Variants in NEURL1 observed in about 807,000 individuals in gnomAD.
The protein encoded by NEURL1 is E3 ubiquitin-protein ligase NEURL1.
In NEURL1, 26 loss-of-function variants were observed where a neutral mutation model predicts 41.2. That is an observed-to-expected ratio of 0.63 (90% confidence interval 0.46 to 0.87). The LOEUF is 0.87. Among genes scored for constraint, NEURL1 ranks in the 40% least tolerant of loss-of-function variants. The probability of loss-of-function intolerance (pLI) is 0.00; values close to 1 mark genes in which losing one functional copy is unlikely to be tolerated. For synonymous variants in NEURL1, 400 were observed against 402.3 expected (o/e 0.99, Z 0.07); for missense variants, 761 against 871.1 (o/e 0.87, Z 1.59).
intron 1 of NEURL1, among the ~76,000 whole-genome samples, chr10:103,561,587 G>A (rs374622882): frequency 2.6e-5 from 4 of 152,094 alleles, no homozygotes; most frequent in African/African-American, 7.2e-5. Context: ...CTATTCATTC[G>A]AAGCTACTTG....
At chr10:103,502,954 C>T (rs376330360) in intron 1 of NEURL1, among the ~76,000 whole-genome samples, 1 of 152,212 alleles carries the variant, frequency 6.6e-6, no homozygotes, top group Non-Finnish European at 1.5e-5. Flanking sequence ...TCCTTGGTAA[C>T]GCCTGGGAAA....
Position 103,545,579 on chromosome 10 carries a change from C to T in NEURL1, c.86-25293C>T, listed in dbSNP as rs374565163. Among the ~76,000 whole-genome samples the T allele has an allele frequency of 1.8e-4, 28 of 152,236 alleles. No homozygotes were observed. Among genetic ancestry groups the T allele is most frequent in the African/African-American group, 6.0e-4 (25 of 41,542 alleles). ...CCTGTGGCCCAGCAGCTGGCATGGC[C>T]GGTGTCCTCTGGGCTCTAGGTCATG... On this transcript the variant is annotated intron_variant, in intron 1 of 5. Coordinates refer to ENST00000369780, the MANE Select transcript of NEURL1 (RefSeq NM_004210.5). This position sits in a 1 kb window ranked among gnomAD's most constrained non-coding sequence, Gnocchi z 4.5.
intron 3 of NEURL1, among the ~76,000 whole-genome samples, chr10:103,575,944 C>A: frequency 6.6e-6 from 1 of 152,274 alleles, no homozygotes; most frequent in East Asian, 1.9e-4. Context: ...TCAGGAAGAG[C>A]AGCTGTGAGT....
intron 1 of NEURL1, chr10:103,548,963 C>T (rs1387142702): frequency 2.0e-5 from 3 of 152,268 alleles, no homozygotes; most frequent in Non-Finnish European, 2.9e-5. Context: ...CAGATCTTAT[C>T]ATAGGCAAAT....
chr10:103,529,371 C>T lies in NEURL1; in HGVS notation c.85+34899C>T, dbSNP rs116928340. On this transcript the variant is annotated intron_variant, in intron 1 of 5. Coordinates refer to ENST00000369780, the MANE Select transcript of NEURL1 (RefSeq NM_004210.5). Reference sequence around the variant, plus strand: ...TGAGCTGGGTAAATTTCTCTCCTCTCGAGGTCCCAAGATAACTTGGGGCTC... The same window carrying T: ...TGAGCTGGGTAAATTTCTCTCCTCTTGAGGTCCCAAGATAACTTGGGGCTC... Among the ~76,000 whole-genome samples the T allele has an allele frequency of 5.1e-4, 77 of 152,288 alleles. 1 individual carries two copies. The East Asian group carries it at 0.014, about 27-fold the overall frequency.
intron 4 of NEURL1, among the ~76,000 whole-genome samples, chr10:103,588,143 A>G (rs982546894): frequency 6.6e-6 from 1 of 151,994 alleles, no homozygotes; most frequent in Non-Finnish European, 1.5e-5. Context: ...TTTCTACTAA[A>G]AATACAAAAA....
At chr10:103,589,795 G>A in intron 5 of NEURL1, 135 bp downstream of exon 5, 1 of 1,243,330 alleles carries the variant, frequency 8.0e-7, no homozygotes, top group Non-Finnish European at 1.1e-6. Context: ...GTGATTTCTG[G>A]GGTCATCCCC....
At chr10:103,514,932 A>T (rs1470751681) in intron 1 of NEURL1, among the ~76,000 whole-genome samples, 4 of 152,016 alleles carry the variant, frequency 2.6e-5, no homozygotes, top group African/African-American at 9.7e-5. Flanking sequence ...ATCTCAGTCT[A>T]CTCAAGAAAC....
At chr10:103,547,443 C>G (rs2034945463) in intron 1 of NEURL1, among the ~76,000 whole-genome samples, 1 of 152,236 alleles carries the variant, frequency 6.6e-6, no homozygotes, top group African/African-American at 2.4e-5. Context: ...GGAGGGGTAG[C>G]AGGCAGGGGC....
chr10:103,498,319 C>T (rs528562234), intron 1 of NEURL1, among the ~76,000 whole-genome samples: 1 of 152,338 alleles, frequency 6.6e-6, no homozygotes, highest in African/African-American at 2.4e-5. Flanking sequence ...GCTCCGCCTC[C>T]CGGGTTCACG....
At chr10:103,511,859 C>G (rs1287198335) in intron 1 of NEURL1, 2 of 152,226 alleles carry the variant, frequency 1.3e-5, no homozygotes, top group Non-Finnish European at 2.9e-5. Flanking sequence ...ACAGTAGGCA[C>G]TCAACTATGT....
chr10:103,553,005 G>A (rs2035066554), intron 1 of NEURL1, among the ~76,000 whole-genome samples: 1 of 152,228 alleles, frequency 6.6e-6, no homozygotes, highest in African/African-American at 2.4e-5. Context: ...ACCAAGGTGA[G>A]AGGGAGGCTG....
intron 1 of NEURL1, among the ~76,000 whole-genome samples, chr10:103,506,322 G>A (rs1158831207): frequency 6.6e-6 from 1 of 152,204 alleles, no homozygotes; most frequent in Non-Finnish European, 1.5e-5. Context: ...AGGGGAGGAG[G>A]CACTCTGGCC....
intron 1 of NEURL1, among the ~76,000 whole-genome samples, chr10:103,498,706 C>T (rs2033749127): frequency 6.6e-6 from 1 of 152,208 alleles, no homozygotes; most frequent in South Asian, 2.1e-4. Flanking sequence ...GTTACCCTCT[C>T]CCCTGAATCC....
chr10:103,579,476 G>A lies in NEURL1; in HGVS notation c.650-5060G>A, dbSNP rs78286582. On this transcript the variant is annotated intron_variant, in intron 3 of 5. Coordinates refer to ENST00000369780, the MANE Select transcript of NEURL1 (RefSeq NM_004210.5). ...TTTTTCTAAGTCATGGTTATTCCAA[G>A]GTGGGGAATAGGTAGCCTTGGGAGA... Among the ~76,000 whole-genome samples, 1,190 of 152,282 alleles carry A rather than the reference G, an allele frequency of 7.8e-3. 15 individuals carry two copies. Among genetic ancestry groups the A allele is most frequent in the African/African-American group, 0.027 (1,117 of 41,542 alleles).
intron 3 of NEURL1, among the ~76,000 whole-genome samples, chr10:103,572,751 G>A (rs2035577593): frequency 6.6e-6 from 1 of 152,188 alleles, no homozygotes; most frequent in Admixed American, 6.5e-5. Context: ...CATAGACTCT[G>A]GGTACAAATC....
intron 1 of NEURL1, among the ~76,000 whole-genome samples, chr10:103,511,626 A>G (rs1315825101): frequency 6.6e-6 from 1 of 152,222 alleles, no homozygotes; most frequent in Non-Finnish European, 1.5e-5. Flanking sequence ...TATGGTTGCC[A>G]TCGTTGGGCT....
At chr10:103,575,162 C>A (rs1050052937) in intron 3 of NEURL1, among the ~76,000 whole-genome samples, 1 of 152,014 alleles carries the variant, frequency 6.6e-6, no homozygotes, top group Non-Finnish European at 1.5e-5. Flanking sequence ...TTCCTCTCCG[C>A]CCCACTTCCC....
chr10:103,559,928 T>C (rs6584559), intron 1 of NEURL1, among the ~76,000 whole-genome samples: 69,283 of 150,596 alleles, frequency 0.46, 17,140 homozygotes, highest in African/African-American at 0.68. Context: ...TGCACACACA[T>C]ATTACACACA....
Sources: allele counts gnomAD v4.1 joint callset (sites outside exome capture counted in the v4.1 genomes callset), GRCh38; gene constraint gnomAD v4.1.1; non-coding constraint Gnocchi (gnomAD v3.1); transcripts MANE v1.5; gene names NCBI Gene and HGNC (gene_info 2026-07-23, HGNC 2026-07-21).